The following MCM5 variants were observed in gnomAD, a reference collection of about 807,000 sequenced individuals.
MCM5 encodes the protein DNA replication licensing factor MCM5.
MCM5 carries 46 observed loss-of-function variants against 79.9 expected under a neutral mutation model. The observed-to-expected ratio is 0.58, with a 90% CI of 0.45 to 0.74. MCM5 has a LOEUF of 0.74. Ranked by LOEUF, MCM5 falls within the 30% of genes least tolerant of loss-of-function variation. MCM5 has a pLI of 0.00. For missense variants in MCM5, 883 were observed against 1,017.0 expected (o/e 0.87, Z 1.79); for synonymous variants, 404 against 390.5 (o/e 1.03, Z -0.41).
chr22:35,402,075 T>C (rs1932071276), intron 2 of MCM5, among the ~76,000 whole-genome samples: 1 of 152,108 alleles, frequency 6.6e-6, no homozygotes, highest in South Asian at 2.1e-4. Context: ...GGTCCCCAAA[T>C]ATGTTCTTGC....
the MCM5 span, among the ~76,000 whole-genome samples, chr22:35,436,449 G>A: frequency 1.2e-3 from 180 of 152,288 alleles, 1 homozygote; most frequent in East Asian, 0.022. Context: ...TCTCTTATGT[G>A]CAAGGCTTTA....
rs1356618221 is a variant in MCM5, at chr22:35,413,869, C to T, written c.1092-6C>T. The T allele has an allele frequency of 1.9e-6, 3 of 1,569,360 alleles. No homozygotes were observed. The South Asian group carries it at 3.3e-5, about 17-fold the overall frequency. ...TCACCTTGTCCATCTACCCTTCGTC[C>T]CCCAGGCTCCCTGATGGACTTACTC... is the stretch of plus-strand genomic sequence containing the variant. On this transcript the variant is annotated splice_region_variant and splice_polypyrimidine_tract_variant and intron_variant, in intron 8 of 16. Transcript: ENST00000216122.
chr22:35,407,380 A>C (rs1932249958), intron 5 of MCM5, among the ~76,000 whole-genome samples: 4 of 147,782 alleles, frequency 2.7e-5, no homozygotes, highest in African/African-American at 2.5e-5. Flanking sequence ...TCCACCCTCC[A>C]CCCCCTCAGT....
At chr22:35,410,000 A>G (rs1932329276) in intron 6 of MCM5, 1 of 152,240 alleles carries the variant, frequency 6.6e-6, no homozygotes, top group African/African-American at 2.4e-5. Flanking sequence ...GGAAGAGGGG[A>G]GTTGGAGGCT....
chr22:35,402,157 G>A (rs1569062713), intron 2 of MCM5, among the ~76,000 whole-genome samples: 1 of 151,996 alleles, frequency 6.6e-6, no homozygotes, highest in Non-Finnish European at 1.5e-5. Context: ...TAATTCCGAC[G>A]CTTTGGGAGG....
At chr22:35,449,548 ACCGTGGCCTCTTTGTC>A in the MCM5 span, among the ~76,000 whole-genome samples, 382 of 149,684 alleles carry the variant, frequency 2.6e-3, 3 homozygotes, top group African/African-American at 7.5e-3. Context: ...CTGTGTCCCA[ACCGTGGCCTCTTTGTC>A]CCAGCTGTGG....
the MCM5 span, among the ~76,000 whole-genome samples, chr22:35,434,434 T>G: frequency 6.6e-6 from 1 of 152,140 alleles, no homozygotes; most frequent in African/African-American, 2.4e-5. Flanking sequence ...TCTCTCAGTA[T>G]CCATTTATCG....
intron 9 of MCM5, among the ~76,000 whole-genome samples, chr22:35,415,259 A>C (rs948124049): frequency 6.6e-6 from 1 of 152,234 alleles, no homozygotes; most frequent in Non-Finnish European, 1.5e-5. Context: ...TTAACTCGCT[A>C]TATCTAAAAT....
the MCM5 span, among the ~76,000 whole-genome samples, chr22:35,440,993 G>T: frequency 6.6e-6 from 1 of 151,192 alleles, no homozygotes; most frequent in Non-Finnish European, 1.5e-5. Context: ...GGAGGCGGAG[G>T]TTGCGGTGAG....
intron 4 of MCM5, among the ~76,000 whole-genome samples, chr22:35,404,338 C>G (rs1414364761): frequency 6.6e-6 from 1 of 152,172 alleles, no homozygotes; most frequent in Non-Finnish European, 1.5e-5. Context: ...TCTTTTAATC[C>G]AGGACAGCTT....
At chr22:35,437,242 A>G in the MCM5 span, among the ~76,000 whole-genome samples, 7 of 152,166 alleles carry the variant, frequency 4.6e-5, no homozygotes, top group Non-Finnish European at 2.9e-5. Flanking sequence ...TGGACTGGCC[A>G]ATCAGAATGC....
At chr22:35,416,849 C>G in intron 12 of MCM5, 35 bp downstream of exon 12, 1 of 1,603,980 alleles carries the variant, frequency 6.2e-7, no homozygotes, top group Non-Finnish European at 8.5e-7. Flanking sequence ...GCCATGGGAC[C>G]TGCCTCCAGG....
In MCM5 at chr22:35,420,547, T is replaced by C. The variant is rs4645808; in HGVS notation, c.1832+535T>C. Among the ~76,000 whole-genome samples the C allele has an allele frequency of 2.4e-3, 373 of 152,350 alleles. 3 individuals are homozygous for C. The highest frequency in any genetic ancestry group is 8.6e-3 in the African/African-American group (358 of 41,586). On this transcript the variant is annotated intron_variant, in intron 14 of 16. Coordinates refer to ENST00000216122, the MANE Select transcript of MCM5 (RefSeq NM_006739.4). ...GTAGCTTAAAGAAATAGGAAGTTCA[T>C]TTCTCTTTTCTGTAGCACTGTCTGG...
At chr22:35,438,591 C>CATCCACCCACCCACACATT in the MCM5 span, among the ~76,000 whole-genome samples, 1 of 48,046 alleles carries the variant, frequency 2.1e-5, no homozygotes, top group African/African-American at 9.0e-5. Context: ...ATCCATCCAT[C>CATCCACCCACCCACACATT]CATGCATCCA....
At chr22:35,450,267 C>T in the MCM5 span, among the ~76,000 whole-genome samples, 7 of 152,138 alleles carry the variant, frequency 4.6e-5, no homozygotes, top group South Asian at 2.1e-4. Flanking sequence ...CCTCTCTGGG[C>T]GACCTTATTC....
the MCM5 span, among the ~76,000 whole-genome samples, chr22:35,449,820 C>T: frequency 7.9e-5 from 12 of 152,304 alleles, no homozygotes; most frequent in South Asian, 2.1e-4. Context: ...CTCACTCTGT[C>T]TCCCAGGCTG....
At chr22:35,400,644 T>C (rs780145691) in intron 2 of MCM5, 39 bp downstream of exon 2, 1 of 1,542,102 alleles carries the variant, frequency 6.5e-7, no homozygotes, top group South Asian at 1.2e-5. Context: ...AGTTCCAGTG[T>C]GGCCGCTCAC....
chr22:35,416,453 C>G, intron 11 of MCM5, 49 bp downstream of exon 11: 1 of 1,589,364 alleles, frequency 6.3e-7, no homozygotes, highest in Non-Finnish European at 8.6e-7. Context: ...CCAGCGTGGC[C>G]CAACCGTCCT....
chr22:35,406,260 G>A (rs1932208006), intron 4 of MCM5, among the ~76,000 whole-genome samples: 1 of 148,848 alleles, frequency 6.7e-6, no homozygotes, highest in Admixed American at 6.8e-5. Context: ...CTGCCACTTT[G>A]TAGTGAAATG....
Sources: allele counts gnomAD v4.1 joint callset (sites outside exome capture counted in the v4.1 genomes callset), GRCh38; gene constraint gnomAD v4.1.1; transcripts MANE v1.5; gene names NCBI Gene and HGNC (gene_info 2026-07-23, HGNC 2026-07-21).